The following CCND3 variants were observed in gnomAD, a reference collection of about 807,000 sequenced individuals.
The protein encoded by CCND3 is cyclin D3.
CCND3 carries 9 observed loss-of-function variants against 28.7 expected under a neutral mutation model. The ratio of observed to expected loss-of-function variants is 0.31; its 90% confidence interval spans 0.19 to 0.55. The LOEUF (loss-of-function observed/expected upper bound fraction) is 0.55. CCND3 is among the 20% of genes least tolerant of loss of function. The pLI, the probability that CCND3 is intolerant of heterozygous loss-of-function variation, is 0.93. For synonymous variants in CCND3, 164 were observed against 163.9 expected (o/e 1.00, Z 0.00); for missense variants, 315 against 385.8 (o/e 0.82, Z 1.54).
chr6:41,993,581 C>T (rs7750163), intron 1 of CCND3, among the ~76,000 whole-genome samples: 148,877 of 151,902 alleles, frequency 0.98, 73,018 homozygotes, highest in East Asian at 1. Flanking sequence ...CAGCTAATTT[C>T]TGTATTTTCA....
intron 2 of CCND3, 198 bp from the exon 3 acceptor site, chr6:41,937,592 A>G: frequency 1.6e-6 from 1 of 610,562 alleles, no homozygotes; most frequent in African/African-American, 1.8e-5. Context: ...TTGAGCACTT[A>G]CTGATCATTT....
chr6:41,959,888 A>G (rs906617674), intron 1 of CCND3, among the ~76,000 whole-genome samples: 3 of 150,576 alleles, frequency 2.0e-5, no homozygotes, highest in African/African-American at 7.4e-5. Flanking sequence ...CCTAGGAGGC[A>G]GAGGTTGCAG....
intron 1 of CCND3, among the ~76,000 whole-genome samples, chr6:41,959,489 C>T (rs1761644457): frequency 6.6e-6 from 1 of 151,562 alleles, no homozygotes; most frequent in African/African-American, 2.4e-5. Context: ...TTGAGACCAT[C>T]CTGGCCAACA....
At chr6:42,046,915 C>T (rs1451846579) in intron 1 of CCND3, among the ~76,000 whole-genome samples, 3 of 152,218 alleles carry the variant, frequency 2.0e-5, no homozygotes, top group African/African-American at 7.2e-5. Flanking sequence ...ATCAAGTGAC[C>T]TAGGTTTAAA....
At position 41,936,111 on chromosome 6, in the gene CCND3, G is replaced by T. The variant is rs760616733; in HGVS notation, c.712-4C>A. The T allele has an allele frequency of 6.3e-6, 10 of 1,576,158 alleles. No homozygotes were observed. The East Asian group carries it at 1.8e-4, about 28-fold the overall frequency. On this transcript the variant is annotated splice_region_variant and splice_polypyrimidine_tract_variant and intron_variant, in intron 4 of 4. Coordinates refer to ENST00000372991, the MANE Select transcript of CCND3 (RefSeq NM_001760.5). This position sits in a 1 kb window ranked among gnomAD's most constrained non-coding sequence, Gnocchi z 4.4. ...CCTGACAGGCCCGCAGGCAGTCCTG[G>T]GAACATGGGAGAAGAGTGAGGAGCA...
At chr6:42,010,292 T>A (rs1330023506) in intron 1 of CCND3, among the ~76,000 whole-genome samples, 1 of 152,176 alleles carries the variant, frequency 6.6e-6, no homozygotes, top group African/African-American at 2.4e-5. Flanking sequence ...GGAAACCTAC[T>A]GCTTTCCACT....
intron 1 of CCND3, among the ~76,000 whole-genome samples, chr6:41,996,259 C>G (rs1762804848): frequency 6.6e-6 from 1 of 151,502 alleles, no homozygotes; most frequent in Non-Finnish European, 1.5e-5. Flanking sequence ...AAGTGATTCT[C>G]CAGCCTCAGC....
chr6:42,027,235 C>A (rs35128272), intron 1 of CCND3, among the ~76,000 whole-genome samples: 7,479 of 152,080 alleles, frequency 0.049, 256 homozygotes, highest in Non-Finnish European at 0.074. Context: ...GTCAGGGGAT[C>A]GAGACCATCC....
chr6:41,936,143 C>A lies in CCND3; in HGVS notation c.712-36G>T. Reference sequence around the variant, plus strand: ...GGGAGAAGAGTGAGGAGCAAACACTCCCCCCATAGCATCTGGCAGCAGGTG... The same window carrying A: ...GGGAGAAGAGTGAGGAGCAAACACTACCCCCATAGCATCTGGCAGCAGGTG... On this transcript the variant is annotated intron_variant, in intron 4 of 4. Coordinates refer to ENST00000372991, the MANE Select transcript of CCND3 (RefSeq NM_001760.5). This position sits in a 1 kb window ranked among gnomAD's most constrained non-coding sequence, Gnocchi z 4.4. The A allele has an allele frequency of 4.6e-6, 7 of 1,530,802 alleles. No individual in the cohort carries two copies. Among genetic ancestry groups the A allele is most frequent in the South Asian group, 1.3e-5 (1 of 79,044 alleles). The allele number at this position is 1,530,802 out of a possible 1,614,324, so 94.8% of individuals were successfully genotyped here.
At chr6:42,043,423 T>G (rs1048659636) in intron 1 of CCND3, among the ~76,000 whole-genome samples, 2 of 152,044 alleles carry the variant, frequency 1.3e-5, no homozygotes, top group Non-Finnish European at 2.9e-5. Flanking sequence ...CCTAGCTACT[T>G]GGGAGGCTGA....
chr6:41,964,274 G>A (rs1464038263), intron 1 of CCND3, among the ~76,000 whole-genome samples: 1 of 150,948 alleles, frequency 6.6e-6, no homozygotes, highest in Non-Finnish European at 1.5e-5. Flanking sequence ...TTCCTCCAGC[G>A]TGTGTATGTG....
chr6:42,032,108 C>T (rs1036218030), intron 1 of CCND3, among the ~76,000 whole-genome samples: 1 of 151,836 alleles, frequency 6.6e-6, no homozygotes, highest in African/African-American at 2.4e-5. Context: ...TTTTAAGAGA[C>T]GAGGTCTTGC....
In CCND3 at chr6:41,989,454, C is replaced by CAAAAAAAAAA. The variant is rs35776222; in HGVS notation, c.-45-48879_-45-48870dup. ...GGGCGACAAGAGTGAAACACTGTCT[C>CAAAAAAAAAA]AAAAAAAAAAAACAAAAAAAAAAAA... On this transcript the variant is annotated intron_variant, in intron 1 of 4. Transcript: ENST00000372988. Among the ~76,000 whole-genome samples the CAAAAAAAAAA allele has an allele frequency of 7.8e-4, 17 of 21,684 alleles. 3 individuals are homozygous for CAAAAAAAAAA. The highest frequency in any genetic ancestry group is 1.9e-3 in the East Asian group (1 of 534). The allele number at this position is 21,684 out of a possible 152,430, so 14.2% of individuals were successfully genotyped here. A position where few individuals can be genotyped will look rare whatever the true frequency, so the allele number is the denominator to read the frequency against.
chr6:42,000,852 ACCACG>A (rs1386050179), intron 1 of CCND3, among the ~76,000 whole-genome samples: 1 of 151,484 alleles, frequency 6.6e-6, no homozygotes, highest in African/African-American at 2.4e-5. Flanking sequence ...CAGGCATGCC[ACCACG>A]CCTGGCCATG....
At position 41,941,205 on chromosome 6, in the gene CCND3, C is replaced by T. The variant is rs1015894663; in HGVS notation, c.198+247G>A. ...GAGAGAGTGTCCTTGGTCCCGTTTG[C>T]TCGGCCCGAAGAGAGGCACAGTTAG... On this transcript the variant is annotated intron_variant, in intron 1 of 4. Coordinates refer to ENST00000372991, the MANE Select transcript of CCND3 (RefSeq NM_001760.5). The surrounding 1 kb of genome is among the most constrained non-coding windows in gnomAD (Gnocchi z 6.1). The T allele has an allele frequency of 2.8e-6, 4 of 1,436,844 alleles. No homozygotes were observed. Among genetic ancestry groups the T allele is most frequent in the Non-Finnish European group, 3.6e-6 (4 of 1,099,856 alleles). 89.0% of individuals were successfully genotyped at this position (1,436,844 alleles called of 1,614,324 possible). A position where few individuals can be genotyped will look rare whatever the true frequency, so the allele number is the denominator to read the frequency against.
At chr6:41,965,025 A>G (rs1182177946) in intron 1 of CCND3, among the ~76,000 whole-genome samples, 1 of 149,450 alleles carries the variant, frequency 6.7e-6, no homozygotes. Context: ...GTGGAAGAAC[A>G]GATTTGGGGA....
At chr6:41,959,486 C>T (rs985258688) in intron 1 of CCND3, among the ~76,000 whole-genome samples, 4 of 151,700 alleles carry the variant, frequency 2.6e-5, no homozygotes, top group East Asian at 3.9e-4. Flanking sequence ...AGATTGAGAC[C>T]ATCCTGGCCA....
intron 1 of CCND3, among the ~76,000 whole-genome samples, chr6:42,036,162 C>G (rs1764201572): frequency 6.7e-6 from 1 of 148,808 alleles, no homozygotes; most frequent in Non-Finnish European, 1.5e-5. Flanking sequence ...CCAGCTAATT[C>G]TTGTATTTTC....
chr6:42,009,334 A>G (rs1274460820), intron 1 of CCND3, among the ~76,000 whole-genome samples: 1 of 152,108 alleles, frequency 6.6e-6, no homozygotes, highest in Non-Finnish European at 1.5e-5. Context: ...AAATTGGGCC[A>G]GAAGCGGTGG....
Sources: allele counts gnomAD v4.1 joint callset (sites outside exome capture counted in the v4.1 genomes callset), GRCh38; gene constraint gnomAD v4.1.1; non-coding constraint Gnocchi (gnomAD v3.1); transcripts MANE v1.5; gene names NCBI Gene and HGNC (gene_info 2026-07-23, HGNC 2026-07-21).